The following HSD11B1 variants were observed in gnomAD, a reference collection of about 807,000 sequenced individuals.
The protein encoded by HSD11B1 is hydroxysteroid 11-beta dehydrogenase 1.
HSD11B1 carries 15 observed loss-of-function variants against 22.1 expected under a neutral mutation model. The ratio of observed to expected loss-of-function variants is 0.68; its 90% CI spans 0.45 to 1.04. The LOEUF (loss-of-function observed/expected upper bound fraction) is 1.04. Ranked by LOEUF, HSD11B1 falls within the 50% of genes least tolerant of loss-of-function variation. The pLI, the probability that HSD11B1 is intolerant of heterozygous loss-of-function variation, is 0.00. For missense variants in HSD11B1, 281 were observed against 357.6 expected (o/e 0.79, Z 1.73); for synonymous variants, 122 against 125.2 (o/e 0.97, Z 0.17).
At chr1:209,705,107 G>A in intron 1 of HSD11B1, 77 bp downstream of exon 1, 2 of 1,136,166 alleles carry the variant, frequency 1.8e-6, no homozygotes, top group South Asian at 1.2e-5. Context: ...TGAGGACCAA[G>A]ATGTGTTCTT....
At chr1:209,702,183 T>C (rs375249541), upstream of HSD11B1, among the ~76,000 whole-genome samples, 47 of 152,368 alleles carry the variant, frequency 3.1e-4, no homozygotes, top group South Asian at 9.1e-3. Flanking sequence ...TTTAAAACTT[T>C]GTTGACAACC....
chr1:209,689,536 TGA>T (rs2076746870), intron 1 of HSD11B1, among the ~76,000 whole-genome samples: 1 of 152,214 alleles, frequency 6.6e-6, no homozygotes, highest in African/African-American at 2.4e-5. Context: ...GGGCCTGATG[TGA>T]GGTGTTTGAG....
At chr1:209,697,757 C>T (rs1365688291) in intron 1 of HSD11B1, among the ~76,000 whole-genome samples, 6 of 152,104 alleles carry the variant, frequency 3.9e-5, no homozygotes, top group South Asian at 2.1e-4. Flanking sequence ...GTTTTGTCCA[C>T]ACCTGAGACC....
intron 1 of HSD11B1, among the ~76,000 whole-genome samples, chr1:209,692,617 G>A (rs1304752293): frequency 9.4e-6 from 1 of 106,000 alleles, no homozygotes; most frequent in Admixed American, 9.6e-5. Flanking sequence ...CGGGGGGGGG[G>A]GTGGGGGCTC....
intron 4 of HSD11B1, among the ~76,000 whole-genome samples, chr1:209,714,040 T>C (rs1025014698): frequency 5.3e-5 from 8 of 152,164 alleles, no homozygotes; most frequent in Non-Finnish European, 1.0e-4. Flanking sequence ...CATTCATTCA[T>C]TCAAAAAATA....
At position 209,729,898 on chromosome 1, in the gene HSD11B1, T is replaced by G. The variant is rs1397993439; in HGVS notation, c.518-2538T>G. Among the ~76,000 whole-genome samples the G allele has an allele frequency of 1.3e-5, 2 of 152,178 alleles. 1 individual carries two copies. Among genetic ancestry groups the G allele is most frequent in the Middle Eastern group, 6.3e-3 (2 of 316 alleles). On this transcript the variant is annotated intron_variant, in intron 4 of 5. Coordinates refer to ENST00000367027, the MANE Select transcript of HSD11B1 (RefSeq NM_005525.4). Reference sequence around the variant, plus strand: ...AAAAATATATAATCATTTCAGTAGATGATGAAAAAGCATTTGGTAAAATGC... The same window carrying G: ...AAAAATATATAATCATTTCAGTAGAGGATGAAAAAGCATTTGGTAAAATGC...
chr1:209,692,922 A>C (rs536779510), intron 1 of HSD11B1, among the ~76,000 whole-genome samples: 1 of 152,322 alleles, frequency 6.6e-6, no homozygotes. Flanking sequence ...CAAGGGAATC[A>C]GTTTACATGT....
chr1:209,734,568 G>A lies in HSD11B1; in HGVS notation c.*47G>A, dbSNP rs758324747. 1 of 1,366,620 alleles carries A rather than the reference G, an allele frequency of 7.3e-7. No individual in the cohort carries two copies. Among genetic ancestry groups the A allele is most frequent in the Non-Finnish European group, 1.0e-6 (1 of 960,324 alleles). The allele number at this position is 1,366,620 out of a possible 1,614,324, so 84.7% of individuals were successfully genotyped here. On this transcript the variant is annotated 3_prime_UTR_variant, in exon 6 of 6. Coordinates refer to ENST00000367027, the MANE Select transcript of HSD11B1 (RefSeq NM_005525.4). Reference sequence around the variant, plus strand: ...TGCTGAGGGATTTTGGGACTGTTCTGTCTCATGTTTATCTGAGCTCTTATC... The same window carrying A: ...TGCTGAGGGATTTTGGGACTGTTCTATCTCATGTTTATCTGAGCTCTTATC...
In HSD11B1 at chr1:209,734,307, CA is replaced by C. The variant is rs1558202021; in HGVS notation, c.666del (p.Ala223ProfsTer2). 28 of 1,612,760 alleles carry C rather than the reference CA, an allele frequency of 1.7e-5. No homozygotes were observed. The highest frequency in any genetic ancestry group is 2.4e-5 in the Non-Finnish European group (28 of 1,179,110). On this transcript the variant is annotated frameshift_variant, in exon 6 of 6. Coordinates refer to ENST00000367027, the MANE Select transcript of HSD11B1 (RefSeq NM_005525.4). LOFTEE classifies it low-confidence loss of function (END_TRUNC). ...LCVLGLIDTETAMKAVSGIVH... is the reference protein window; with the variant it reads ...LCVLGLIDTEXAMKAVSGIVH... The stretch of plus-strand genomic sequence containing the variant: ...CTCTTCCCTTGTCATTCTATAGAAA[CA>C]GCCATGAAGGCAGTTTCTGGGATAG...
At chr1:209,720,961 A>T (rs963738663) in intron 4 of HSD11B1, among the ~76,000 whole-genome samples, 2 of 152,184 alleles carry the variant, frequency 1.3e-5, no homozygotes, top group African/African-American at 4.8e-5. Context: ...TGGGCTCTTA[A>T]TCCACTGCCA....
upstream of HSD11B1, chr1:209,704,733 CCA>C: frequency 3.6e-6 from 2 of 563,236 alleles, no homozygotes; most frequent in Non-Finnish European, 6.4e-6. Flanking sequence ...ATGAAATCCA[CCA>C]CACAGGCTGC....
chr1:209,718,925 C>G (rs2076946945), intron 4 of HSD11B1, among the ~76,000 whole-genome samples: 1 of 147,954 alleles, frequency 6.8e-6, no homozygotes, highest in Non-Finnish European at 1.5e-5. Flanking sequence ...GAGGCTGAGA[C>G]AGGAGAATCA....
At chr1:209,714,191 A>AAAAC (rs567293634) in intron 4 of HSD11B1, among the ~76,000 whole-genome samples, 1 of 152,248 alleles carries the variant, frequency 6.6e-6, no homozygotes, top group East Asian at 1.9e-4. Context: ...TATAGTTGTA[A>AAAAC]AAACAAACAA....
At chr1:209,728,085 C>T (rs1032909796) in intron 4 of HSD11B1, among the ~76,000 whole-genome samples, 2 of 152,218 alleles carry the variant, frequency 1.3e-5, no homozygotes, top group African/African-American at 2.4e-5. Flanking sequence ...ATTTCTAGTA[C>T]ACTGTAGCTT....
chr1:209,734,181 G>T, intron 5 of HSD11B1, 123 bp from the exon 6 acceptor site: 2 of 744,920 alleles, frequency 2.7e-6, no homozygotes, highest in Non-Finnish European at 4.7e-6. Flanking sequence ...TATAGTGCCT[G>T]TGAGGCTTGC....
chr1:209,722,948 G>A (rs1217464470), intron 4 of HSD11B1, among the ~76,000 whole-genome samples: 2 of 152,156 alleles, frequency 1.3e-5, no homozygotes, highest in African/African-American at 4.8e-5. Flanking sequence ...AAGCATGTAG[G>A]CCTCCTTTTG....
intron 4 of HSD11B1, among the ~76,000 whole-genome samples, chr1:209,709,002 C>A (rs1018197031): frequency 6.6e-6 from 1 of 152,198 alleles, no homozygotes; most frequent in African/African-American, 2.4e-5. Flanking sequence ...TGCTGTCTTG[C>A]CGCAACTGAA....
intron 4 of HSD11B1, among the ~76,000 whole-genome samples, chr1:209,714,889 C>A (rs2076920841): frequency 6.6e-6 from 1 of 152,156 alleles, no homozygotes; most frequent in Non-Finnish European, 1.5e-5. Flanking sequence ...CATGGGGCAG[C>A]AGTGGTGGCC....
intron 4 of HSD11B1, among the ~76,000 whole-genome samples, chr1:209,727,929 T>C (rs918975487): frequency 1.3e-5 from 2 of 152,196 alleles, no homozygotes; most frequent in African/African-American, 2.4e-5. Flanking sequence ...TCAGAATCTT[T>C]TGGTCACTTA....
Sources: gnomAD v4.1 joint callset for allele counts (sites outside exome capture counted in the v4.1 genomes callset) on GRCh38, gnomAD v4.1.1 for gene constraint, MANE v1.5 for transcripts, NCBI Gene and HGNC (gene_info 2026-07-23, HGNC 2026-07-21) for gene names.